The following FAM13A variants were observed in gnomAD, a reference collection of about 807,000 sequenced individuals.
FAM13A encodes protein FAM13A.
In FAM13A, 76 loss-of-function variants were observed where a neutral mutation model predicts 129.6. The observed-to-expected ratio is 0.59, with a 90% CI of 0.49 to 0.71. The LOEUF (loss-of-function observed/expected upper bound fraction) is 0.71. Ranked by LOEUF, FAM13A falls within the 30% of genes least tolerant of loss-of-function variation. The probability of loss-of-function intolerance (pLI) is 0.00; values close to 1 mark genes in which losing one functional copy is unlikely to be tolerated. For synonymous variants in FAM13A, 443 were observed against 449.9 expected (o/e 0.98, Z 0.20); for missense variants, 1,108 against 1,249.3 (o/e 0.89, Z 1.70).
chr4:88,961,346 C>CTTTTTTTTTTTTTT (rs1560548919), intron 4 of FAM13A, among the ~76,000 whole-genome samples: 2 of 89,326 alleles, frequency 2.2e-5, no homozygotes, highest in African/African-American at 4.4e-5. Flanking sequence ...GTGGAATTTG[C>CTTTTTTTTTTTTTT]CTTTTTTTTT....
chr4:88,749,136 C>T (rs562712594), intron 16 of FAM13A, 103 bp from the exon 17 acceptor site: 1 of 815,400 alleles, frequency 1.2e-6, no homozygotes, highest in South Asian at 1.4e-5. Context: ...AAAGTTGAGC[C>T]CCATCAGAAT....
chr4:88,808,601 T>G (rs1212828758), intron 7 of FAM13A, among the ~76,000 whole-genome samples: 1 of 152,128 alleles, frequency 6.6e-6, no homozygotes, highest in Non-Finnish European at 1.5e-5. Flanking sequence ...TAAGCACATG[T>G]TCTGTGAATG....
chr4:88,971,663 C>T (rs1460162747), intron 4 of FAM13A, among the ~76,000 whole-genome samples: 1 of 152,128 alleles, frequency 6.6e-6, no homozygotes, highest in African/African-American at 2.4e-5. Flanking sequence ...CACACCACCA[C>T]ACCCAGCTTT....
intron 21 of FAM13A, among the ~76,000 whole-genome samples, chr4:88,734,765 G>T (rs963524449): frequency 6.6e-6 from 1 of 152,226 alleles, no homozygotes; most frequent in Non-Finnish European, 1.5e-5. Context: ...ACAGGGCAGT[G>T]CTGCACAACA....
Position 88,732,352 on chromosome 4 carries a change from A to T in FAM13A, c.2647-154T>A, listed in dbSNP as rs1271611726. On this transcript the variant is annotated intron_variant, in intron 21 of 23. Transcript: ENST00000264344. ...CACATATGTACATTACAGATATATT[A>T]TTGAACATCTGTATTCGATATAAAT... 6 of 508,988 alleles carry T rather than the reference A, an allele frequency of 1.2e-5. No homozygotes were observed. In the East Asian group the frequency reaches 1.9e-4, roughly 16 times the overall value. 31.5% of individuals were successfully genotyped at this position (508,988 alleles called of 1,614,324 possible).
chr4:88,809,450 A>G (rs954548167), intron 7 of FAM13A, among the ~76,000 whole-genome samples: 10 of 152,212 alleles, frequency 6.6e-5, no homozygotes, highest in African/African-American at 2.2e-4. Flanking sequence ...ACAGAAAAAC[A>G]AGTAAATGCT....
At chr4:88,782,798 C>G (rs574721482) in intron 10 of FAM13A, among the ~76,000 whole-genome samples, 1 of 152,242 alleles carries the variant, frequency 6.6e-6, no homozygotes, top group African/African-American at 2.4e-5. Context: ...AATGCAAGCA[C>G]TTATACTCAT....
chr4:88,776,801 C>T (rs1464376948), intron 11 of FAM13A, among the ~76,000 whole-genome samples: 1 of 152,038 alleles, frequency 6.6e-6, no homozygotes, highest in East Asian at 1.9e-4. Context: ...ATGGTGAAAC[C>T]CCATCTCCAC....
At chr4:89,005,301 T>C (rs974853666) in intron 3 of FAM13A, among the ~76,000 whole-genome samples, 4 of 152,118 alleles carry the variant, frequency 2.6e-5, no homozygotes, top group Non-Finnish European at 4.4e-5. Flanking sequence ...TATATTTTCT[T>C]TATCCAATCT....
chr4:88,884,650 G>A (rs143006335), intron 6 of FAM13A, among the ~76,000 whole-genome samples: 1,879 of 152,270 alleles, frequency 0.012, 58 homozygotes, highest in Admixed American at 0.064. Context: ...CCTAGCCAGA[G>A]CAATTAGACA....
At chr4:88,741,757 A>G (rs1252552018) in intron 19 of FAM13A, among the ~76,000 whole-genome samples, 1 of 152,200 alleles carries the variant, frequency 6.6e-6, no homozygotes, top group Non-Finnish European at 1.5e-5. Flanking sequence ...GGGATTTGGG[A>G]TGCTCAATCA....
At chr4:88,945,642 T>C (rs1172603464) in intron 4 of FAM13A, among the ~76,000 whole-genome samples, 2 of 151,546 alleles carry the variant, frequency 1.3e-5, no homozygotes, top group African/African-American at 4.9e-5. Context: ...TTTAGCAACA[T>C]CCCTAATGCG....
chr4:89,053,649 A>T (rs984261516), intron 1 of FAM13A, among the ~76,000 whole-genome samples: 3 of 152,104 alleles, frequency 2.0e-5, no homozygotes, highest in African/African-American at 7.2e-5. Flanking sequence ...AATTATCAGC[A>T]CCAGCATGAA....
intron 5 of FAM13A, among the ~76,000 whole-genome samples, chr4:88,916,772 A>T (rs1202980609): frequency 2.0e-5 from 3 of 152,142 alleles, no homozygotes; most frequent in Non-Finnish European, 2.9e-5. Context: ...TTCTCTATAT[A>T]AAAAAGCTCC....
chr4:88,821,487 G>A lies in FAM13A; in HGVS notation c.1008-16435C>T, dbSNP rs3775377. 5.1e-3 allele frequency among the ~76,000 whole-genome samples: 779 copies of A among 152,142 alleles called. 12 individuals carry two copies. The highest frequency in any genetic ancestry group is 0.027 in the East Asian group (141 of 5,182). On this transcript the variant is annotated intron_variant, in intron 7 of 23. Coordinates refer to ENST00000264344, the MANE Select transcript of FAM13A (RefSeq NM_014883.4). ...TGATGGTTTTATTTTAGCTTTAATC[G>A]TTTTGATTGCCTAAACAATGTTTTA...
intron 14 of FAM13A, among the ~76,000 whole-genome samples, chr4:88,752,933 C>T (rs563505363): frequency 2.0e-5 from 3 of 152,324 alleles, no homozygotes; most frequent in South Asian, 2.1e-4. Context: ...AATAAGCTCA[C>T]CGCAGAGTGG....
chr4:88,836,730 C>A (rs530539043), intron 7 of FAM13A, among the ~76,000 whole-genome samples: 1 of 152,074 alleles, frequency 6.6e-6, no homozygotes, highest in East Asian at 1.9e-4. Flanking sequence ...GAGGCTGAGA[C>A]GGGTGGATCA....
chr4:89,036,412 C>T (rs983679594), intron 1 of FAM13A, among the ~76,000 whole-genome samples: 1 of 152,160 alleles, frequency 6.6e-6, no homozygotes, highest in African/African-American at 2.4e-5. Context: ...TTTGACCTGG[C>T]TGCTTCTAAC....
rs772118926 is a variant in FAM13A, at chr4:88,781,320, CAGA to C, written c.1300_1302del (p.Ser434del). Reference sequence around the variant, plus strand: ...ATACAATCATCAAGGTGGTTGAACCCAGAAGGAGTATTTTCTTTGTTGATAAGT... The same window carrying C: ...ATACAATCATCAAGGTGGTTGAACCCAGGAGTATTTTCTTTGTTGATAAGT... On this transcript the variant is annotated inframe_deletion, in exon 11 of 24. Coordinates refer to ENST00000264344, the MANE Select transcript of FAM13A (RefSeq NM_014883.4). 3.4e-5 allele frequency: 54 copies of C among 1,605,934 alleles called. No homozygotes were observed. The Middle Eastern group carries it at 5.0e-4, about 15-fold the overall frequency.
Sources: allele counts gnomAD v4.1 joint callset (sites outside exome capture counted in the v4.1 genomes callset), GRCh38; gene constraint gnomAD v4.1.1; transcripts MANE v1.5; gene names NCBI Gene and HGNC (gene_info 2026-07-23, HGNC 2026-07-21).